Variants in LRP1B observed in about 807,000 individuals in gnomAD.
LRP1B encodes the protein low-density lipoprotein receptor-related protein 1B.
In LRP1B, 217 loss-of-function variants were observed where a neutral mutation model predicts 556.6. The observed-to-expected ratio is 0.39, with a 90% confidence interval of 0.35 to 0.44. LRP1B has a LOEUF of 0.44. Ranked by LOEUF, LRP1B falls within the 20% of genes least tolerant of loss-of-function variation. LRP1B has a pLI of 1.00. For missense variants in LRP1B, 5,053 were observed against 5,620.8 expected, an observed-to-expected ratio of 0.90 and a Z score of 3.23; for synonymous variants, 2,047 against 1,865.8, an observed-to-expected ratio of 1.10 and a Z score of -2.50.
At chr2:141,870,639 A>C (rs1484084837) in intron 1 of LRP1B, among the ~76,000 whole-genome samples, 2 of 151,986 alleles carry the variant, frequency 1.3e-5, no homozygotes, top group Non-Finnish European at 2.9e-5. Flanking sequence ...CTCAAGAATA[A>C]GGGGAACCAA....
At chr2:140,638,829 A>G (rs1263978004) in intron 41 of LRP1B, among the ~76,000 whole-genome samples, 2 of 140,740 alleles carry the variant, frequency 1.4e-5, no homozygotes, top group Admixed American at 6.9e-5. Context: ...ATACAAAATT[A>G]TATATGTGTA....
At chr2:141,268,231 A>G (rs999527097) in intron 3 of LRP1B, among the ~76,000 whole-genome samples, 2 of 152,222 alleles carry the variant, frequency 1.3e-5, no homozygotes, top group African/African-American at 4.8e-5. Context: ...CTAAATCCCA[A>G]TAAAATTTTA....
intron 60 of LRP1B, among the ~76,000 whole-genome samples, chr2:140,471,992 T>A (rs1416298732): frequency 6.6e-6 from 1 of 152,196 alleles, no homozygotes. Context: ...TTTTACTAAA[T>A]CTCTCAAACT....
At chr2:140,314,815 TTG>T in intron 83 of LRP1B, 118 bp downstream of exon 83, 1 of 670,928 alleles carries the variant, frequency 1.5e-6, no homozygotes, top group Non-Finnish European at 2.3e-6. Flanking sequence ...TGTTATTATA[TTG>T]TGTTAGTCTA....
chr2:140,779,564 G>A (rs539829910), intron 32 of LRP1B, among the ~76,000 whole-genome samples: 1 of 151,994 alleles, frequency 6.6e-6, no homozygotes, highest in African/African-American at 2.4e-5. Flanking sequence ...GCATGGTGAT[G>A]TGCGCCTGTA....
At chr2:140,520,798 G>GAAAAAAAAAAAAAAAAAAAAAAAAAA (rs757383865) in intron 49 of LRP1B, among the ~76,000 whole-genome samples, 3 of 86,466 alleles carry the variant, frequency 3.5e-5, no homozygotes, top group Non-Finnish European at 6.4e-5. Flanking sequence ...TAAGAAAACA[G>GAAAAAAAAAAAAAAAAAAAAAAAAAA]AAAAAAAAAA....
chr2:140,808,353 A>T (rs565918267), intron 32 of LRP1B, among the ~76,000 whole-genome samples: 20 of 115,652 alleles, frequency 1.7e-4, no homozygotes, highest in African/African-American at 7.3e-4. Flanking sequence ...ATATTTTTTT[A>T]AAAAACAAAA....
intron 1 of LRP1B, among the ~76,000 whole-genome samples, chr2:142,046,481 C>G (rs542361168): frequency 6.6e-6 from 1 of 152,084 alleles, no homozygotes; most frequent in East Asian, 1.9e-4. Flanking sequence ...AATTAGGCTG[C>G]AGCTTGGTAA....
chr2:141,132,260 C>G lies in LRP1B; in HGVS notation c.1013+56161G>C, dbSNP rs189408693. Among the ~76,000 whole-genome samples the G allele has an allele frequency of 3.7e-3, 562 of 152,050 alleles. 3 individuals carry two copies. The highest frequency in any genetic ancestry group is 0.013 in the African/African-American group (543 of 41,484). On this transcript the variant is annotated intron_variant, in intron 7 of 90. Transcript: ENST00000389484. ...GTATTTGGATTATGGGGGCGGAACC[C>G]TCATGAATGGCTTGGTCTTGTTCTT... is the stretch of plus-strand genomic sequence containing the variant.
intron 3 of LRP1B, among the ~76,000 whole-genome samples, chr2:141,305,623 A>G (rs1039901213): frequency 6.6e-6 from 1 of 152,132 alleles, no homozygotes; most frequent in African/African-American, 2.4e-5. Flanking sequence ...TTCCAGTAGT[A>G]TGTCGAATAA....
intron 41 of LRP1B, among the ~76,000 whole-genome samples, chr2:140,673,053 G>A (rs1685546004): frequency 6.6e-6 from 1 of 151,988 alleles, no homozygotes. Flanking sequence ...TTTGCAATCT[G>A]GACAGATTGA....
At position 141,191,495 on chromosome 2, in the gene LRP1B, C is replaced by G. The variant is rs1438653631; in HGVS notation, c.851-2912G>C. Among the ~76,000 whole-genome samples the G allele has an allele frequency of 2.0e-5, 3 of 151,846 alleles. No individual in the cohort carries two copies. The South Asian group carries it at 6.2e-4, about 32-fold the overall frequency. ...ATTACCATTTGTAAGGGTATATTGT[C>G]AAAACAAGGTAGAGAAGGCAGAAAC... On this transcript the variant is annotated intron_variant, in intron 6 of 90. Transcript: ENST00000389484.
chr2:141,318,436 T>G (rs1038362211), intron 3 of LRP1B, among the ~76,000 whole-genome samples: 6 of 152,294 alleles, frequency 3.9e-5, no homozygotes, highest in Non-Finnish European at 7.4e-5. Context: ...AAAATAACTC[T>G]TTAAGTATGG....
At chr2:140,982,033 A>G in intron 18 of LRP1B, 127 bp downstream of exon 18, 1 of 647,164 alleles carries the variant, frequency 1.5e-6, no homozygotes, top group Non-Finnish European at 2.6e-6. Context: ...TGTAACAAAA[A>G]TGCCATATCT....
chr2:142,017,472 C>T (rs372620398), intron 1 of LRP1B, among the ~76,000 whole-genome samples: 75 of 152,102 alleles, frequency 4.9e-4, no homozygotes, highest in African/African-American at 1.8e-3. Flanking sequence ...TGTGGTAATT[C>T]CTAGCTATGT....
chr2:142,008,626 T>G (rs1702866869), intron 1 of LRP1B, among the ~76,000 whole-genome samples: 1 of 152,068 alleles, frequency 6.6e-6, no homozygotes. Context: ...TTTGAGTTTC[T>G]TTTACTGAAC....
chr2:140,943,074 G>A (rs1264227999), intron 20 of LRP1B, among the ~76,000 whole-genome samples: 4 of 152,042 alleles, frequency 2.6e-5, no homozygotes, highest in African/African-American at 9.7e-5. Context: ...GGTTCAAAGT[G>A]AAGGGATGGA....
At chr2:141,904,097 A>C (rs544460821) in intron 1 of LRP1B, among the ~76,000 whole-genome samples, 181 of 152,102 alleles carry the variant, frequency 1.2e-3, no homozygotes, top group African/African-American at 4.1e-3. Flanking sequence ...ATGCCAAGTG[A>C]AATAAAACAC....
At chr2:141,259,291 C>T (rs1443664393) in intron 3 of LRP1B, among the ~76,000 whole-genome samples, 1 of 147,682 alleles carries the variant, frequency 6.8e-6, no homozygotes, top group Non-Finnish European at 1.5e-5. Flanking sequence ...AACAAGAGTG[C>T]TTTACCTCCA....
Sources: gnomAD v4.1 joint callset for allele counts (sites outside exome capture counted in the v4.1 genomes callset) on GRCh38, gnomAD v4.1.1 for gene constraint, MANE v1.5 for transcripts, NCBI Gene and HGNC (gene_info 2026-07-23, HGNC 2026-07-21) for gene names.